KCND2: variants seen among roughly 807,000 people sequenced by gnomAD.
The protein encoded by KCND2 is potassium voltage-gated channel subfamily D member 2.
Under a neutral mutation model 54.4 loss-of-function variants are expected in KCND2, and 16 were observed. The observed-to-expected ratio is 0.29, with a 90% CI of 0.20 to 0.45. The LOEUF is 0.45. Ranked by LOEUF, KCND2 falls within the 20% of genes least tolerant of loss-of-function variation. The probability of loss-of-function intolerance (pLI) is 1.00; values close to 1 mark genes in which losing one functional copy is unlikely to be tolerated. For synonymous variants in KCND2, 317 were observed against 310.7 expected (o/e 1.02, Z -0.21); for missense variants, 486 against 824.2 (o/e 0.59, Z 5.02).
At chr7:120,715,750 T>C (rs1792595112) in intron 1 of KCND2, among the ~76,000 whole-genome samples, 1 of 152,106 alleles carries the variant, frequency 6.6e-6, no homozygotes, top group Non-Finnish European at 1.5e-5. Context: ...GATGGTATTA[T>C]GTTTGAGTAG....
chr7:120,582,864 A>G (rs1792535621), intron 1 of KCND2, among the ~76,000 whole-genome samples: 1 of 151,950 alleles, frequency 6.6e-6, no homozygotes, highest in Non-Finnish European at 1.5e-5. Flanking sequence ...CTACACACCT[A>G]TAGAACTCTC....
At chr7:120,332,751 A>C (rs112629224) in intron 1 of KCND2, among the ~76,000 whole-genome samples, 6 of 152,218 alleles carry the variant, frequency 3.9e-5, no homozygotes, top group African/African-American at 1.2e-4. Flanking sequence ...TGATTGCTTA[A>C]CATTTTTCTC....
chr7:120,368,492 A>G (rs1228923910), intron 1 of KCND2, among the ~76,000 whole-genome samples: 8 of 152,234 alleles, frequency 5.3e-5, no homozygotes, highest in Non-Finnish European at 7.4e-5. Flanking sequence ...GGAATGACCA[A>G]TCATCTTTTT....
In KCND2 at chr7:120,411,029, A is replaced by G. The variant is rs192493536; in HGVS notation, c.1115+135282A>G. ...TTACAGAAGACATGATTGTATATTC[A>G]GAAAACCCCATCGTCTCAGCCCAAA... On this transcript the variant is annotated intron_variant, in intron 1 of 5. Coordinates refer to ENST00000331113, the MANE Select transcript of KCND2 (RefSeq NM_012281.3). Among the ~76,000 whole-genome samples the G allele has an allele frequency of 2.3e-3, 343 of 152,138 alleles. 1 individual carries two copies. The highest frequency in any genetic ancestry group is 4.1e-3 in the Non-Finnish European group (280 of 67,944).
intron 1 of KCND2, among the ~76,000 whole-genome samples, chr7:120,689,200 A>T (rs965653762): frequency 6.6e-6 from 1 of 152,168 alleles, no homozygotes; most frequent in Admixed American, 6.5e-5. Flanking sequence ...TTGCATTTTT[A>T]GTTTCTGGAC....
At chr7:120,426,597 T>G (rs948737711) in intron 1 of KCND2, among the ~76,000 whole-genome samples, 8 of 144,512 alleles carry the variant, frequency 5.5e-5, no homozygotes, top group African/African-American at 1.8e-4. Context: ...TGTTTTTTTT[T>G]TTTTTTTTTT....
intron 1 of KCND2, among the ~76,000 whole-genome samples, chr7:120,495,548 ATG>A (rs765581829): frequency 6.6e-6 from 1 of 152,184 alleles, no homozygotes; most frequent in African/African-American, 2.4e-5. Context: ...ATGCATTTTA[ATG>A]CCATTAACTT....
rs368231292 is a variant in KCND2, at chr7:120,377,396, GT to G, written c.1115+101650del. Reference sequence around the variant, plus strand: ...AAGTTTTGACAACCAGAAAGAGTTTGTGGTGAGATTGTTAAAAATGTGATTC... The same window carrying G: ...AAGTTTTGACAACCAGAAAGAGTTTGGGTGAGATTGTTAAAAATGTGATTC... On this transcript the variant is annotated intron_variant, in intron 1 of 5. Coordinates refer to ENST00000331113, the MANE Select transcript of KCND2 (RefSeq NM_012281.3). Among the ~76,000 whole-genome samples the G allele has an allele frequency of 5.0e-3, 757 of 152,026 alleles. 2 individuals carry two copies. The highest frequency in any genetic ancestry group is 0.017 in the African/African-American group (693 of 41,514).
intron 1 of KCND2, among the ~76,000 whole-genome samples, chr7:120,282,136 T>C (rs78716870): frequency 1.3e-5 from 2 of 152,152 alleles, no homozygotes; most frequent in East Asian, 3.9e-4. Context: ...TATAGGTGAA[T>C]CAACATAGAA....
chr7:120,573,700 G>A (rs926429318), intron 1 of KCND2, among the ~76,000 whole-genome samples: 1 of 152,072 alleles, frequency 6.6e-6, no homozygotes, highest in Admixed American at 6.6e-5. Context: ...TTTGGTAAAT[G>A]CAAGAAACCT....
intron 1 of KCND2, among the ~76,000 whole-genome samples, chr7:120,627,686 A>G (rs1174605407): frequency 6.6e-6 from 1 of 152,092 alleles, no homozygotes; most frequent in Non-Finnish European, 1.5e-5. Context: ...TTAAGGCAGG[A>G]GGAGTAAAGC....
At chr7:120,508,054 T>C (rs2116326742) in intron 1 of KCND2, among the ~76,000 whole-genome samples, 1 of 151,798 alleles carries the variant, frequency 6.6e-6, no homozygotes, top group African/African-American at 2.4e-5. Context: ...TTCAAAGGCT[T>C]TTTTTTTCTT....
chr7:120,503,849 C>T (rs1802974176), intron 1 of KCND2, among the ~76,000 whole-genome samples: 1 of 151,852 alleles, frequency 6.6e-6, no homozygotes, highest in Non-Finnish European at 1.5e-5. Flanking sequence ...AAATAAAGTT[C>T]AAGGCCTTTG....
At chr7:120,331,039 GTTCT>G (rs899423475) in intron 1 of KCND2, among the ~76,000 whole-genome samples, 27 of 152,034 alleles carry the variant, frequency 1.8e-4, no homozygotes, top group Non-Finnish European at 3.8e-4. Context: ...GTGATTCTTT[GTTCT>G]TTCTTAATCA....
chr7:120,459,540 T>C (rs1041749278), intron 1 of KCND2, among the ~76,000 whole-genome samples: 8 of 152,198 alleles, frequency 5.3e-5, no homozygotes, highest in Admixed American at 5.2e-4. Flanking sequence ...TTGTGTGCCC[T>C]TTGTATAACT....
chr7:120,625,466 C>T (rs543191503), intron 1 of KCND2, among the ~76,000 whole-genome samples: 48 of 152,138 alleles, frequency 3.2e-4, no homozygotes, highest in African/African-American at 9.6e-4. Context: ...ACATATGTTG[C>T]GGTGTTTTAT....
At chr7:120,517,497 G>A (rs1328544457) in intron 1 of KCND2, among the ~76,000 whole-genome samples, 2 of 152,070 alleles carry the variant, frequency 1.3e-5, no homozygotes, top group Admixed American at 1.3e-4. Flanking sequence ...TGGTGAAAAA[G>A]TATAGGATTT....
chr7:120,641,929 G>T (rs1167261794), intron 1 of KCND2, among the ~76,000 whole-genome samples: 1 of 151,820 alleles, frequency 6.6e-6, no homozygotes, highest in Non-Finnish European at 1.5e-5. Flanking sequence ...ACCAGTCATT[G>T]TCATTCTTTA....
intron 1 of KCND2, among the ~76,000 whole-genome samples, chr7:120,421,730 A>T (rs894018938): frequency 1.3e-5 from 2 of 152,224 alleles, no homozygotes; most frequent in Non-Finnish European, 2.9e-5. Context: ...TAGTTATGGC[A>T]ATACAAATAC....
Sources: gnomAD v4.1 joint callset for allele counts (sites outside exome capture counted in the v4.1 genomes callset) on GRCh38, gnomAD v4.1.1 for gene constraint, MANE v1.5 for transcripts, NCBI Gene and HGNC (gene_info 2026-07-23, HGNC 2026-07-21) for gene names.